The following EGFR variants were observed in gnomAD, a reference collection of about 807,000 sequenced individuals.
The protein encoded by EGFR is avian erythroblastic leukemia viral (v-erb-b) oncogene homolog.
Under a neutral mutation model 143.0 loss-of-function variants are expected in EGFR, and 58 were observed. That is an observed-to-expected ratio of 0.41 (90% CI 0.33 to 0.50). The LOEUF (loss-of-function observed/expected upper bound fraction) is 0.50, where lower values mean the gene tolerates loss of function less well. Ranked by LOEUF, EGFR falls within the 20% of genes least tolerant of loss-of-function variation. The pLI is 0.39. For synonymous variants in EGFR, 613 were observed against 594.4 expected (o/e 1.03, Z -0.45); for missense variants, 1,307 against 1,579.0 (o/e 0.83, Z 2.92).
At chr7:55,195,200 A>G (rs992505128) in intron 22 of EGFR, among the ~76,000 whole-genome samples, 20 of 152,252 alleles carry the variant, frequency 1.3e-4, no homozygotes, top group African/African-American at 4.6e-4. Context: ...CATATAGACT[A>G]TGAGTTGGGG....
chr7:55,099,780 T>C (rs1375683049), intron 1 of EGFR, among the ~76,000 whole-genome samples: 1 of 151,260 alleles, frequency 6.6e-6, no homozygotes, highest in African/African-American at 2.4e-5. Context: ...GATTTCACAA[T>C]CACTTCCAGT....
chr7:55,205,674 G>A lies in EGFR; in HGVS notation c.*57G>A. On this transcript the variant is annotated 3_prime_UTR_variant, in exon 28 of 28. Coordinates refer to ENST00000275493, the MANE Select transcript of EGFR (RefSeq NM_005228.5). ...AGACTCTTTCGATACCCAGGACCAA[G>A]CCACAGCAGGTCCTCCATCCCAACA... 6.2e-7 allele frequency: 1 copy of A among 1,613,178 alleles called. No individual in the cohort carries two copies. The highest frequency in any genetic ancestry group is 8.5e-7 in the Non-Finnish European group (1 of 1,179,810).
intron 1 of EGFR, among the ~76,000 whole-genome samples, chr7:55,123,769 G>T (rs1225865472): frequency 1.3e-5 from 2 of 152,122 alleles, no homozygotes; most frequent in African/African-American, 2.4e-5. Context: ...AGCAGGAGGG[G>T]AGAGTAATAA....
rs1583970792 is a variant in EGFR, at chr7:55,072,909, A to G, written c.88+53544A>G. On this transcript the variant is annotated intron_variant, in intron 1 of 27. Coordinates refer to ENST00000275493, the MANE Select transcript of EGFR (RefSeq NM_005228.5). Reference sequence around the variant, plus strand: ...GATTTCTTTTTAGGTACATGATTACAGTTCAATTCACTTCACTGTCTGGAA... The same window carrying G: ...GATTTCTTTTTAGGTACATGATTACGGTTCAATTCACTTCACTGTCTGGAA... 2.0e-5 allele frequency among the ~76,000 whole-genome samples: 3 copies of G among 152,332 alleles called. No individual in the cohort carries two copies. In the East Asian group the frequency reaches 5.8e-4, roughly 29 times the overall value.
Position 55,205,652 on chromosome 7 carries a change from C to T in EGFR, c.*35C>T, listed in dbSNP as rs17290755. 1.3e-3 allele frequency: 2,049 copies of T among 1,613,962 alleles called. 27 individuals are homozygous for T. In the African/African-American group the frequency reaches 0.024, roughly 19 times the overall value. On this transcript the variant is annotated 3_prime_UTR_variant, in exon 28 of 28. Transcript: ENST00000275493. ...ATAGTATGAGCCCTAAAAATCCAGA[C>T]TCTTTCGATACCCAGGACCAAGCCA...
intron 2 of EGFR, 72 bp from the exon 3 acceptor site, chr7:55,143,232 TG>T: frequency 6.4e-7 from 1 of 1,571,950 alleles, no homozygotes; most frequent in Non-Finnish European, 8.7e-7. Context: ...TAGGGCTCCC[TG>T]GACCCATTTT....
intron 1 of EGFR, among the ~76,000 whole-genome samples, chr7:55,038,962 A>G (rs2128868242): frequency 6.6e-6 from 1 of 151,754 alleles, no homozygotes. Flanking sequence ...CAGTTTTCTG[A>G]TTGTTTACAG....
intron 1 of EGFR, among the ~76,000 whole-genome samples, chr7:55,138,012 C>A (rs1215181362): frequency 6.6e-6 from 1 of 152,176 alleles, no homozygotes; most frequent in Admixed American, 6.5e-5. Flanking sequence ...ATATTGAACT[C>A]TGGTTAGTGA....
chr7:55,160,555 G>A (rs530268227), intron 12 of EGFR, among the ~76,000 whole-genome samples: 2 of 152,292 alleles, frequency 1.3e-5, no homozygotes, highest in South Asian at 4.1e-4. Context: ...TTTACCCTGA[G>A]GTTTAGGCTA....
intron 1 of EGFR, among the ~76,000 whole-genome samples, chr7:55,034,737 C>G (rs2034461695): frequency 6.6e-6 from 1 of 152,224 alleles, no homozygotes; most frequent in African/African-American, 2.4e-5. Flanking sequence ...ATGCTGGAGA[C>G]TTGCTGTTTC....
intron 1 of EGFR, among the ~76,000 whole-genome samples, chr7:55,042,593 G>A (rs1310725927): frequency 6.6e-6 from 1 of 152,070 alleles, no homozygotes; most frequent in African/African-American, 2.4e-5. Flanking sequence ...TCTGCAAAGG[G>A]GGTTAATGCA....
chr7:55,118,231 C>T (rs1792986028), intron 1 of EGFR, among the ~76,000 whole-genome samples: 1 of 152,154 alleles, frequency 6.6e-6, no homozygotes, highest in Admixed American at 6.5e-5. Context: ...TGCTCTGAAT[C>T]TATGTCACCT....
chr7:55,092,511 A>T (rs1249941729), intron 1 of EGFR, among the ~76,000 whole-genome samples: 1 of 152,030 alleles, frequency 6.6e-6, no homozygotes, highest in Non-Finnish European at 1.5e-5. Context: ...CTTACATTTT[A>T]CCCACCCCCA....
At chr7:55,142,609 T>TA (rs1272238136) in intron 2 of EGFR, among the ~76,000 whole-genome samples, 172 bp downstream of exon 2, 1 of 152,204 alleles carries the variant, frequency 6.6e-6, no homozygotes, top group African/African-American at 2.4e-5. Context: ...TAATGTCAAG[T>TA]AATAACTAGA....
intron 1 of EGFR, among the ~76,000 whole-genome samples, chr7:55,031,867 A>G (rs1038846713): frequency 3.3e-5 from 5 of 152,104 alleles, no homozygotes; most frequent in Admixed American, 6.6e-5. Flanking sequence ...CATTCCTCTG[A>G]CTTAATATTG....
chr7:55,121,034 G>A (rs760149554), intron 1 of EGFR, among the ~76,000 whole-genome samples: 1 of 152,144 alleles, frequency 6.6e-6, no homozygotes, highest in Non-Finnish European at 1.5e-5. Flanking sequence ...TCTAGTGAGA[G>A]GTCATCTGTT....
At chr7:55,125,947 A>C (rs1360726226) in intron 1 of EGFR, among the ~76,000 whole-genome samples, 4 of 152,070 alleles carry the variant, frequency 2.6e-5, no homozygotes, top group African/African-American at 9.7e-5. Context: ...GAACCTCTCC[A>C]TCCCACTTCC....
intron 1 of EGFR, among the ~76,000 whole-genome samples, chr7:55,019,857 G>A (rs1169548195): frequency 6.6e-6 from 1 of 152,178 alleles, no homozygotes; most frequent in African/African-American, 2.4e-5. Flanking sequence ...AGCTGAGGAA[G>A]GAACCCAAAA....
intron 1 of EGFR, among the ~76,000 whole-genome samples, chr7:55,095,321 G>T (rs188856619): frequency 9.2e-5 from 14 of 152,224 alleles, no homozygotes; most frequent in Admixed American, 6.5e-5. Flanking sequence ...GAAGATACTG[G>T]ACTGTTGTGA....
Sources: allele counts gnomAD v4.1 joint callset (sites outside exome capture counted in the v4.1 genomes callset), GRCh38; gene constraint gnomAD v4.1.1; transcripts MANE v1.5; gene names NCBI Gene and HGNC (gene_info 2026-07-23, HGNC 2026-07-21).